Variants in NOL4L observed in about 807,000 individuals in gnomAD.
NOL4L encodes nucleolar protein 4-like.
Under a neutral mutation model 64.5 loss-of-function variants are expected in NOL4L, and 7 were observed. The observed-to-expected ratio is 0.11, with a 90% CI of 0.06 to 0.20. The LOEUF is 0.20. NOL4L is among the 10% of genes least tolerant of loss of function. NOL4L has a pLI of 1.00. For synonymous variants in NOL4L, 413 were observed against 401.0 expected, an observed-to-expected ratio of 1.03 and a Z score of -0.36; for missense variants, 680 against 967.1, an observed-to-expected ratio of 0.70 and a Z score of 3.94.
At chr20:32,481,457 T>C (rs1245614518) in intron 4 of NOL4L, among the ~76,000 whole-genome samples, 2 of 152,144 alleles carry the variant, frequency 1.3e-5, no homozygotes, top group African/African-American at 4.8e-5. Flanking sequence ...TCTTGAGCAA[T>C]TCCCAGGCGG....
intron 4 of NOL4L, among the ~76,000 whole-genome samples, chr20:32,492,208 A>T (rs1021377181): frequency 6.6e-6 from 1 of 152,232 alleles, no homozygotes; most frequent in African/African-American, 2.4e-5. Context: ...TGAAGGATGG[A>T]TACATTGTGG....
At chr20:32,570,673 G>T (rs1979700613) in intron 1 of NOL4L, among the ~76,000 whole-genome samples, 1 of 152,212 alleles carries the variant, frequency 6.6e-6, no homozygotes. Context: ...TGGGGCCACT[G>T]GGTTGACCCT....
At chr20:32,577,737 C>A (rs142204496) in intron 1 of NOL4L, among the ~76,000 whole-genome samples, 1 of 152,284 alleles carries the variant, frequency 6.6e-6, no homozygotes, top group East Asian at 1.9e-4. Flanking sequence ...TTCTCAGGCC[C>A]CTGATAGTAC....
At chr20:32,566,920 T>C (rs188637459) in intron 1 of NOL4L, among the ~76,000 whole-genome samples, 21 of 152,204 alleles carry the variant, frequency 1.4e-4, no homozygotes, top group African/African-American at 4.6e-4. Flanking sequence ...CAGAGTAGAG[T>C]GTCTAGGACA....
intron 4 of NOL4L, among the ~76,000 whole-genome samples, chr20:32,509,229 T>G (rs1198496579): frequency 2.6e-5 from 4 of 152,010 alleles, no homozygotes; most frequent in Non-Finnish European, 5.9e-5. Context: ...CTGTCTCCCC[T>G]AGATCAGAAG....
intron 4 of NOL4L, chr20:32,509,631 A>G (rs1016860264): frequency 7.2e-6 from 3 of 414,298 alleles, no homozygotes; most frequent in Admixed American, 6.4e-5. Context: ...TTGTGGAATG[A>G]CTGAATCCTC....
intron 3 of NOL4L, among the ~76,000 whole-genome samples, chr20:32,512,613 T>C (rs1056968399): frequency 6.6e-6 from 1 of 152,252 alleles, no homozygotes; most frequent in African/African-American, 2.4e-5. Flanking sequence ...CATATGCTTC[T>C]GTTTATTTTT....
At chr20:32,492,083 C>A (rs1010191826) in intron 4 of NOL4L, among the ~76,000 whole-genome samples, 2 of 152,192 alleles carry the variant, frequency 1.3e-5, no homozygotes, top group African/African-American at 4.8e-5. Flanking sequence ...TGCATTCTAG[C>A]CTGGGCCACA....
chr20:32,494,112 G>T (rs2016571711), intron 4 of NOL4L, among the ~76,000 whole-genome samples: 1 of 152,050 alleles, frequency 6.6e-6, no homozygotes, highest in South Asian at 2.1e-4. Context: ...AATTAGCTGG[G>T]TGTGGTGGCA....
At chr20:32,488,246 CTT>C (rs759583599) in intron 4 of NOL4L, among the ~76,000 whole-genome samples, 2 of 152,174 alleles carry the variant, frequency 1.3e-5, no homozygotes, top group African/African-American at 4.8e-5. Context: ...AAATTTTCCT[CTT>C]TGAGATTACA....
intron 1 of NOL4L, among the ~76,000 whole-genome samples, chr20:32,556,333 A>G (rs1326006164): frequency 6.6e-6 from 1 of 151,936 alleles, no homozygotes; most frequent in African/African-American, 2.4e-5. Context: ...TTGTCCAGCA[A>G]CTTTAAATCA....
chr20:32,468,023 A>G (rs538804435), intron 5 of NOL4L, among the ~76,000 whole-genome samples: 1 of 152,220 alleles, frequency 6.6e-6, no homozygotes, highest in African/African-American at 2.4e-5. Context: ...AGGGGCCAGG[A>G]GGTAGGAAGC....
rs1404309942 is a variant in NOL4L, at chr20:32,446,120, C to G, written c.*1476G>C. 3 of 152,518 alleles carry G rather than the reference C, an allele frequency of 2.0e-5. No individual in the cohort carries two copies. Among genetic ancestry groups the G allele is most frequent in the African/African-American group, 7.2e-5 (3 of 41,430 alleles). The allele number at this position is 152,518 out of a possible 1,614,324, so 9.4% of individuals were successfully genotyped here. A position where few individuals can be genotyped will look rare whatever the true frequency, so the allele number is the denominator to read the frequency against. On this transcript the variant is annotated 3_prime_UTR_variant, in exon 11 of 11. Transcript: ENST00000621426. Reference sequence around the variant, plus strand: ...GGGGCGGGCAGCAGAGAGCTGCTGTCATGGCTACGGAGTGTTGCACGGAGA... The same window carrying G: ...GGGGCGGGCAGCAGAGAGCTGCTGTGATGGCTACGGAGTGTTGCACGGAGA...
intron 1 of NOL4L, among the ~76,000 whole-genome samples, chr20:32,529,128 A>T (rs1188596775): frequency 1.3e-5 from 2 of 152,156 alleles, no homozygotes; most frequent in Non-Finnish European, 2.9e-5. Flanking sequence ...GGTCACTTGG[A>T]CACACTCTGC....
Position 32,453,836 on chromosome 20 carries a change from G to A in NOL4L, c.1120-75C>T. ...CCTTGCTGGGTCTCCTACAGGCGGT[G>A]AGCTTGGGGACCAGGGTGGCACGCA... On this transcript the variant is annotated intron_variant, in intron 6 of 10. Transcript: ENST00000621426. This position sits in a 1 kb window ranked among gnomAD's most constrained non-coding sequence, Gnocchi z 5.6. The A allele has an allele frequency of 1.8e-5, 25 of 1,420,090 alleles. No homozygotes were observed. The highest frequency in any genetic ancestry group is 1.5e-4 in the South Asian group (12 of 78,498). The allele number at this position is 1,420,090 out of a possible 1,614,324, so 88.0% of individuals were successfully genotyped here.
At chr20:32,494,437 CCCTCT>C (rs1482926528) in intron 4 of NOL4L, among the ~76,000 whole-genome samples, 3 of 151,972 alleles carry the variant, frequency 2.0e-5, no homozygotes, top group African/African-American at 4.8e-5. Context: ...CTGCCTACCT[CCCTCT>C]CCTCTCTTCT....
chr20:32,469,979 G>A (rs921569777), intron 5 of NOL4L, among the ~76,000 whole-genome samples: 3 of 152,360 alleles, frequency 2.0e-5, no homozygotes, highest in African/African-American at 7.2e-5. Flanking sequence ...CGTGTGTCCC[G>A]AGGCCCAGGT....
At chr20:32,485,942 TTC>T (rs1304371264) in intron 4 of NOL4L, among the ~76,000 whole-genome samples, 1 of 152,242 alleles carries the variant, frequency 6.6e-6, no homozygotes, top group Non-Finnish European at 1.5e-5. Context: ...AACCCACCTC[TTC>T]TCTGACTAAT....
At chr20:32,514,023 C>T (rs936795062) in intron 3 of NOL4L, among the ~76,000 whole-genome samples, 4 of 152,142 alleles carry the variant, frequency 2.6e-5, no homozygotes, top group African/African-American at 9.7e-5. Flanking sequence ...AAGGTGGGGA[C>T]CCGGAATAGC....
Sources: gnomAD v4.1 joint callset for allele counts (sites outside exome capture counted in the v4.1 genomes callset) on GRCh38, gnomAD v4.1.1 for gene constraint, Gnocchi (gnomAD v3.1) non-coding constraint, MANE v1.5 for transcripts, NCBI Gene and HGNC (gene_info 2026-07-23, HGNC 2026-07-21) for gene names.